Variants in FRMD4A observed in about 807,000 individuals in gnomAD.
FRMD4A encodes FERM domain containing 4A, also known as FERM domain-containing protein 4A.
FRMD4A carries 29 observed loss-of-function variants against 129.1 expected under a neutral mutation model. The ratio of observed to expected loss-of-function variants is 0.22; its 90% CI spans 0.17 to 0.31. The LOEUF is 0.31. FRMD4A is among the 10% of genes least tolerant of loss of function. FRMD4A has a pLI of 1.00. For synonymous variants in FRMD4A, 634 were observed against 571.6 expected, an observed-to-expected ratio of 1.11 and a Z score of -1.56; for missense variants, 1,272 against 1,375.8, an observed-to-expected ratio of 0.92 and a Z score of 1.19.
At chr10:13,883,260 C>T (rs1262278205) in intron 2 of FRMD4A, among the ~76,000 whole-genome samples, 3 of 151,206 alleles carry the variant, frequency 2.0e-5, no homozygotes, top group African/African-American at 4.9e-5. Flanking sequence ...GAGGCTGAGG[C>T]GGGTGGATTA....
chr10:14,288,656 A>G (rs1159021401), intron 2 of FRMD4A, among the ~76,000 whole-genome samples: 2 of 152,220 alleles, frequency 1.3e-5, no homozygotes, highest in Non-Finnish European at 2.9e-5. Flanking sequence ...TTTTAAGTGC[A>G]CAATATTTTT....
At chr10:13,932,579 T>C (rs545809388) in intron 2 of FRMD4A, among the ~76,000 whole-genome samples, 2 of 152,356 alleles carry the variant, frequency 1.3e-5, no homozygotes, top group East Asian at 3.9e-4. Context: ...CAGCCAATAC[T>C]GTTGGTTCAT....
At chr10:13,817,523 T>A (rs577231258) in intron 3 of FRMD4A, among the ~76,000 whole-genome samples, 4 of 152,306 alleles carry the variant, frequency 2.6e-5, no homozygotes, top group African/African-American at 9.6e-5. Flanking sequence ...ATTGTAATAA[T>A]CCCCAGGTGT....
At chr10:13,853,954 C>A (rs926232024) in intron 3 of FRMD4A, among the ~76,000 whole-genome samples, 1 of 151,768 alleles carries the variant, frequency 6.6e-6, no homozygotes, top group Non-Finnish European at 1.5e-5. Flanking sequence ...AAGGTCAGGT[C>A]GGTTTTTCTG....
chr10:13,962,130 G>A (rs969224317), intron 2 of FRMD4A, among the ~76,000 whole-genome samples: 2 of 152,312 alleles, frequency 1.3e-5, no homozygotes, highest in East Asian at 1.9e-4. Flanking sequence ...GGCTTCCACA[G>A]CTGCTACTAG....
intron 2 of FRMD4A, among the ~76,000 whole-genome samples, chr10:13,868,692 G>C (rs182097202): frequency 2.6e-5 from 4 of 152,130 alleles, no homozygotes; most frequent in African/African-American, 7.2e-5. Flanking sequence ...CCAGCTACTC[G>C]GGAGGCTGAG....
intron 12 of FRMD4A, among the ~76,000 whole-genome samples, chr10:13,715,697 G>A (rs1006675272): frequency 6.6e-6 from 1 of 152,162 alleles, no homozygotes; most frequent in Non-Finnish European, 1.5e-5. Context: ...TCTGAGGTCA[G>A]GAGTTTGAGA....
Position 13,747,788 on chromosome 10 carries a change from G to T in FRMD4A, c.496C>A (p.Leu166Met). ...AGGGCTTGGGTGGGAAGGGCTGGCA[G>T]CTTCTTCAAGTCACTCCTCACAACT... is the stretch of plus-strand genomic sequence containing the variant. ...NEVVRSDLKK[L>M]PALPTQALKE... Residue 166 changes from leucine to methionine, a missense_variant, in exon 9 of 25, where the codon CTG (leucine) becomes ATG (methionine). By Grantham distance (15) the Leu-to-Met change is conservative. Around this residue, in one of 2 missense-constraint regions of FRMD4A, gnomAD observed 300 missense variants for 483.6 expected, o/e 0.62. Coordinates refer to ENST00000357447, the MANE Select transcript of FRMD4A (RefSeq NM_018027.5). The T allele has an allele frequency of 6.2e-7, 1 of 1,604,678 alleles. No homozygotes were observed. The highest frequency in any genetic ancestry group is 8.5e-7 in the Non-Finnish European group (1 of 1,171,596).
At chr10:14,024,890 A>T (rs1832917989) in intron 2 of FRMD4A, among the ~76,000 whole-genome samples, 1 of 152,214 alleles carries the variant, frequency 6.6e-6, no homozygotes, top group Admixed American at 6.5e-5. Flanking sequence ...TTGATTTCTG[A>T]CCTTTCATAA....
chr10:13,656,923 TCGCCGC>T lies in FRMD4A; in HGVS notation c.2660_2665del (p.Gly887_Gly888del), dbSNP rs536647518. 53 of 1,497,332 alleles carry T rather than the reference TCGCCGC, an allele frequency of 3.5e-5. 1 individual carries two copies. In the South Asian group the frequency reaches 4.5e-4, roughly 13 times the overall value. The allele number at this position is 1,497,332 out of a possible 1,614,324, so 92.8% of individuals were successfully genotyped here. A position where few individuals can be genotyped will look rare whatever the true frequency, so the allele number is the denominator to read the frequency against. ...CGTCAGGCGGCCCGTGTCGCCCTCGTCGCCGCCGCCGCCGCGCCAGCTCTCCTTGAA... is the reference window on the plus strand; with the variant it reads ...CGTCAGGCGGCCCGTGTCGCCCTCGTCGCCGCCGCGCCAGCTCTCCTTGAA... On this transcript the variant is annotated inframe_deletion, in exon 22 of 25. Transcript: ENST00000357447.
chr10:14,203,819 C>A (rs974073652), intron 2 of FRMD4A, among the ~76,000 whole-genome samples: 6 of 152,316 alleles, frequency 3.9e-5, no homozygotes, highest in East Asian at 3.9e-4. Flanking sequence ...TTAAAACGCT[C>A]CTCCTCGAAA....
At chr10:13,913,889 G>T (rs2094970435) in intron 2 of FRMD4A, among the ~76,000 whole-genome samples, 1 of 152,222 alleles carries the variant, frequency 6.6e-6, no homozygotes, top group Non-Finnish European at 1.5e-5. Flanking sequence ...CTATCAGGCG[G>T]ATATGAGCTG....
intron 2 of FRMD4A, among the ~76,000 whole-genome samples, chr10:14,082,290 C>T (rs1367977375): frequency 6.6e-6 from 1 of 151,994 alleles, no homozygotes; most frequent in East Asian, 1.9e-4. Flanking sequence ...TATTAATAGC[C>T]CAGGCTTGGA....
intron 2 of FRMD4A, among the ~76,000 whole-genome samples, chr10:14,231,283 C>T (rs559566710): frequency 6.6e-6 from 1 of 151,864 alleles, no homozygotes; most frequent in Admixed American, 6.6e-5. Flanking sequence ...TCACCATCAT[C>T]TGTTGTTTTT....
chr10:14,220,711 G>A (rs1843221196), intron 2 of FRMD4A, among the ~76,000 whole-genome samples: 1 of 152,298 alleles, frequency 6.6e-6, no homozygotes, highest in Middle Eastern at 3.4e-3. Flanking sequence ...AGGACCAGCA[G>A]AGGAGGGGTG....
intron 2 of FRMD4A, among the ~76,000 whole-genome samples, chr10:13,941,068 C>T (rs536054851): frequency 6.6e-6 from 1 of 152,250 alleles, no homozygotes; most frequent in East Asian, 1.9e-4. Flanking sequence ...TGAAAGGGTC[C>T]AATTTAGTTA....
At chr10:13,959,844 T>G (rs541562440) in intron 2 of FRMD4A, among the ~76,000 whole-genome samples, 1 of 152,306 alleles carries the variant, frequency 6.6e-6, no homozygotes, top group African/African-American at 2.4e-5. Context: ...CAACAGGCAC[T>G]TCCCCTCGCT....
intron 2 of FRMD4A, among the ~76,000 whole-genome samples, chr10:13,958,010 C>T (rs1455758140): frequency 1.3e-5 from 2 of 152,260 alleles, no homozygotes; most frequent in East Asian, 3.9e-4. Context: ...AGATCCTGCT[C>T]TCGGCACAGC....
At chr10:14,033,829 AAAAAG>A (rs1223506304) in intron 2 of FRMD4A, among the ~76,000 whole-genome samples, 1 of 152,014 alleles carries the variant, frequency 6.6e-6, no homozygotes, top group Admixed American at 6.6e-5. Flanking sequence ...AAGAAAGAAA[AAAAAG>A]AAAAGAAAAG....
Sources: allele counts gnomAD v4.1 joint callset (sites outside exome capture counted in the v4.1 genomes callset), GRCh38; gene constraint gnomAD v4.1.1; regional missense constraint gnomAD v4.1.1; transcripts MANE v1.5; gene names NCBI Gene and HGNC (gene_info 2026-07-23, HGNC 2026-07-21).